Variants in RBFOX1 observed in about 807,000 individuals in gnomAD.
The protein encoded by RBFOX1 is RNA binding fox-1 homolog 1.
A neutral mutation model predicts 57.7 loss-of-function variants in RBFOX1; 8 were observed. That is an observed-to-expected ratio of 0.14 (90% CI 0.08 to 0.25). RBFOX1 has a LOEUF of 0.25. Among genes scored for constraint, RBFOX1 ranks in the 10% least tolerant of loss-of-function variants. RBFOX1 has a pLI of 1.00. For synonymous variants in RBFOX1, 326 were observed against 222.4 expected, an observed-to-expected ratio of 1.47 and a Z score of -4.15; for missense variants, 611 against 548.5, an observed-to-expected ratio of 1.11 and a Z score of -1.14.
At chr16:6,384,993 C>G (rs2092143171) in intron 2 of RBFOX1, among the ~76,000 whole-genome samples, 1 of 152,186 alleles carries the variant, frequency 6.6e-6, no homozygotes, top group Non-Finnish European at 1.5e-5. Flanking sequence ...GTGTCACTCA[C>G]CCTATTTCAG....
In RBFOX1 at chr16:6,773,002, A is replaced by ATGTGTGTGTGTG. The variant is rs138195500; in HGVS notation, c.-16+118357_-16+118368dup. On this transcript the variant is annotated intron_variant, in intron 3 of 15. Transcript: ENST00000550418. ...GCGTGTGTGTGGGTGTGGGGTGCAT[A>ATGTGTGTGTGTG]TGTGTGTGTGTGTGTGATTGTATTT... 7.6e-4 allele frequency among the ~76,000 whole-genome samples: 56 copies of ATGTGTGTGTGTG among 73,774 alleles called. 1 individual carries two copies. The highest frequency in any genetic ancestry group is 3.3e-3 in the South Asian group (7 of 2,096). 48.4% of individuals were successfully genotyped at this position (73,774 alleles called of 152,430 possible).
chr16:6,176,848 A>T (rs760386759), intron 1 of RBFOX1, among the ~76,000 whole-genome samples: 2 of 152,150 alleles, frequency 1.3e-5, no homozygotes, highest in Non-Finnish European at 2.9e-5. Context: ...CTTCTAGCCT[A>T]AGTTGCCTCC....
intron 4 of RBFOX1, among the ~76,000 whole-genome samples, chr16:7,229,083 A>G (rs1256834760): frequency 2.0e-5 from 3 of 152,214 alleles, no homozygotes; most frequent in East Asian, 3.9e-4. Context: ...AAGGAGAAAT[A>G]TAAAGAAGGG....
At chr16:6,942,152 T>A (rs2078650212) in intron 3 of RBFOX1, among the ~76,000 whole-genome samples, 1 of 152,122 alleles carries the variant, frequency 6.6e-6, no homozygotes, top group Non-Finnish European at 1.5e-5. Flanking sequence ...GGCAGGAGAA[T>A]TGCTTGAACT....
chr16:6,582,141 A>C (rs532673568), intron 2 of RBFOX1, among the ~76,000 whole-genome samples: 1 of 152,350 alleles, frequency 6.6e-6, no homozygotes, highest in African/African-American at 2.4e-5. Context: ...TTTAAGTCAT[A>C]TTAAAATGGA....
intron 4 of RBFOX1, among the ~76,000 whole-genome samples, chr16:7,482,662 G>C (rs1247810048): frequency 6.7e-6 from 1 of 149,974 alleles, no homozygotes; most frequent in East Asian, 2.0e-4. Context: ...TGCTGTGACA[G>C]GCATTTCTTA....
At chr16:7,104,694 C>A (rs1285552887) in intron 4 of RBFOX1, among the ~76,000 whole-genome samples, 3 of 152,116 alleles carry the variant, frequency 2.0e-5, no homozygotes, top group Non-Finnish European at 4.4e-5. Context: ...TATTCATGGT[C>A]AGTGGAGTTA....
At chr16:7,408,903 T>C (rs2098390592) in intron 4 of RBFOX1, among the ~76,000 whole-genome samples, 1 of 152,118 alleles carries the variant, frequency 6.6e-6, no homozygotes, top group Non-Finnish European at 1.5e-5. Flanking sequence ...AGAGGTATGG[T>C]GTTGGAAGCG....
chr16:6,557,235 C>T (rs1274712007), intron 2 of RBFOX1, among the ~76,000 whole-genome samples: 1 of 150,650 alleles, frequency 6.6e-6, no homozygotes, highest in Non-Finnish European at 1.5e-5. Flanking sequence ...ATTTTGGAAT[C>T]ACCATGCCCT....
At chr16:5,824,175 A>G (rs1215528181) in intron 3 of RBFOX1, among the ~76,000 whole-genome samples, 1 of 152,218 alleles carries the variant, frequency 6.6e-6, no homozygotes, top group Non-Finnish European at 1.5e-5. Flanking sequence ...GATCAGAATG[A>G]TTAAATTAAT....
At chr16:7,175,938 G>T (rs1159045439) in intron 4 of RBFOX1, among the ~76,000 whole-genome samples, 1 of 152,012 alleles carries the variant, frequency 6.6e-6, no homozygotes, top group Non-Finnish European at 1.5e-5. Context: ...CTGCTGCACA[G>T]ACTTTTAAAC....
chr16:6,109,030 G>A (rs139906652), intron 1 of RBFOX1, among the ~76,000 whole-genome samples: 14 of 152,246 alleles, frequency 9.2e-5, no homozygotes, highest in Admixed American at 5.2e-4. Flanking sequence ...TTCGGGTGGC[G>A]ATTATTCAGC....
intron 4 of RBFOX1, among the ~76,000 whole-genome samples, chr16:7,165,927 T>C (rs896982709): frequency 2.1e-5 from 2 of 93,308 alleles, no homozygotes; most frequent in African/African-American, 8.8e-5. Context: ...CCCCACCGCA[T>C]GCACATACAC....
chr16:7,136,653 A>G (rs1463425661), intron 4 of RBFOX1, among the ~76,000 whole-genome samples: 1 of 152,034 alleles, frequency 6.6e-6, no homozygotes. Flanking sequence ...CTGGCCTCAA[A>G]CAATCCTCCT....
At chr16:7,088,936 C>G (rs1191085501) in intron 4 of RBFOX1, among the ~76,000 whole-genome samples, 2 of 152,180 alleles carry the variant, frequency 1.3e-5, no homozygotes, top group Non-Finnish European at 2.9e-5. Flanking sequence ...AGTCCCTGCT[C>G]TGGTTCAACT....
chr16:5,538,450 C>G (rs2171226), intron 2 of RBFOX1, among the ~76,000 whole-genome samples: 1 of 151,688 alleles, frequency 6.6e-6, no homozygotes, highest in African/African-American at 2.4e-5. Flanking sequence ...GGCTTTTAGA[C>G]GAAAAATGAG....
intron 2 of RBFOX1, among the ~76,000 whole-genome samples, chr16:6,321,597 A>G (rs940596936): frequency 1.3e-5 from 2 of 152,222 alleles, no homozygotes; most frequent in African/African-American, 2.4e-5. Flanking sequence ...TTCAAATAGT[A>G]TATCACCTCT....
chr16:6,678,187 A>G (rs946446392), intron 3 of RBFOX1, among the ~76,000 whole-genome samples: 3 of 152,216 alleles, frequency 2.0e-5, no homozygotes, highest in Non-Finnish European at 4.4e-5. Context: ...GCAGTGGCAC[A>G]ATCTCGGTTC....
intron 1 of RBFOX1, among the ~76,000 whole-genome samples, chr16:5,380,309 C>G (rs931117951): frequency 5.9e-5 from 9 of 152,192 alleles, no homozygotes; most frequent in African/African-American, 1.9e-4. Context: ...ATTATTCAAT[C>G]TATCATTGTG....
Sources: allele counts gnomAD v4.1 joint callset (sites outside exome capture counted in the v4.1 genomes callset), GRCh38; gene constraint gnomAD v4.1.1; transcripts MANE v1.5; gene names NCBI Gene and HGNC (gene_info 2026-07-23, HGNC 2026-07-21).